Variants in PLB1 observed in about 807,000 individuals in gnomAD.
PLB1 encodes the protein phospholipase B1, membrane-associated.
In PLB1, 242 loss-of-function variants were observed where a neutral mutation model predicts 227.4. That is an observed-to-expected ratio of 1.06 (90% CI 0.96 to 1.18). The LOEUF (loss-of-function observed/expected upper bound fraction) is 1.18, where lower values mean the gene tolerates loss of function less well. Among genes scored for constraint, PLB1 ranks in the 50% most tolerant of loss-of-function variants. PLB1 has a pLI of 0.00. For missense variants in PLB1, 1,858 were observed against 1,816.3 expected, an observed-to-expected ratio of 1.02 and a Z score of -0.42; for synonymous variants, 757 against 682.2, an observed-to-expected ratio of 1.11 and a Z score of -1.71.
rs778032003 is a variant in PLB1, at chr2:28,548,959, T to G, written c.1008+28T>G. 3.1e-6 allele frequency: 5 copies of G among 1,608,636 alleles called. No homozygotes were observed. The Admixed American group carries it at 5.0e-5, about 16-fold the overall frequency. ...AGGAGGGACTGGGCAGAGGAGGGACTCTTATTGAATCGAGGGCGCAGGTGG... is the reference window on the plus strand; with the variant it reads ...AGGAGGGACTGGGCAGAGGAGGGACGCTTATTGAATCGAGGGCGCAGGTGG... On this transcript the variant is annotated intron_variant, in intron 15 of 57. Transcript: ENST00000327757.
rs1270234936 is a variant in PLB1, at chr2:28,520,138, G to GAA, written c.243+375_243+376insAA. Among the ~76,000 whole-genome samples the GAA allele has an allele frequency of 1.2e-3, 183 of 152,000 alleles. 1 individual carries two copies. The highest frequency in any genetic ancestry group is 4.2e-3 in the African/African-American group (176 of 41,480). ...AGACAGAGTTTCTCCATGTTGGTCA[G>GAA]GCTAGTCTCGAACTCCTGACCTCAG... On this transcript the variant is annotated intron_variant, in intron 4 of 57. Coordinates refer to ENST00000327757, the MANE Select transcript of PLB1 (RefSeq NM_153021.5).
At chr2:28,504,238 C>T (rs983331600) in intron 1 of PLB1, among the ~76,000 whole-genome samples, 2 of 152,224 alleles carry the variant, frequency 1.3e-5, no homozygotes, top group Admixed American at 6.5e-5. Context: ...TTCTACACTG[C>T]ATTCTAAGTA....
intron 21 of PLB1, among the ~76,000 whole-genome samples, chr2:28,574,339 C>CA (rs1678533262): frequency 2.5e-5 from 1 of 40,544 alleles, no homozygotes; most frequent in Non-Finnish European, 1.3e-4. Context: ...ATCCCTCACC[C>CA]CCCCCACCCT....
At chr2:28,638,957 G>T (rs1346341142) in intron 56 of PLB1, among the ~76,000 whole-genome samples, 1 of 151,774 alleles carries the variant, frequency 6.6e-6, no homozygotes, top group Non-Finnish European at 1.5e-5. Flanking sequence ...CAGCTACTCA[G>T]GGAGGCTGAG....
At chr2:28,563,802 C>T (rs1676423022) in intron 18 of PLB1, among the ~76,000 whole-genome samples, 1 of 152,116 alleles carries the variant, frequency 6.6e-6, no homozygotes, top group African/African-American at 2.4e-5. Flanking sequence ...ATTCTCTGGG[C>T]CAGTAGAATA....
In PLB1 at chr2:28,591,760, G is replaced by T; in HGVS notation, c.2188G>T (p.Val730Leu). 6.2e-7 allele frequency: 1 copy of T among 1,613,732 alleles called. No individual in the cohort carries two copies. Among genetic ancestry groups the T allele is most frequent in the Admixed American group, 1.7e-5 (1 of 60,010 alleles). The stretch of plus-strand genomic sequence containing the variant: ...CCCTTCTGCCTTGCACCCTACCTCA[G>T]GTAAGCCCCCTATGGCACAGCAGGA... ...RAPSALHPTSVHALRPADIQV... is the reference protein window; with the variant it reads ...RAPSALHPTSLHALRPADIQV... Residue 730 changes from valine (V) to leucine (L), a missense_variant and splice_region_variant, in exon 31 of 58, where the codon GTG (valine) becomes TTG (leucine). Physicochemically the swap from Val to Leu is conservative, Grantham distance 32. Transcript: ENST00000327757.
At chr2:28,529,597 G>A in intron 7 of PLB1, 131 bp from the exon 8 acceptor site, 2 of 1,031,338 alleles carry the variant, frequency 1.9e-6, no homozygotes, top group Admixed American at 2.3e-5. Context: ...ACAGGTCAAT[G>A]CCCACCCTTC....
chr2:28,549,408 C>CTTTT (rs1572906840), intron 15 of PLB1, among the ~76,000 whole-genome samples: 1 of 60,664 alleles, frequency 1.6e-5, no homozygotes, highest in African/African-American at 6.4e-5. Context: ...GAATGAGATT[C>CTTTT]TTTCTTTTTT....
intron 1 of PLB1, among the ~76,000 whole-genome samples, chr2:28,504,388 G>A (rs1474848524): frequency 2.6e-5 from 4 of 152,082 alleles, no homozygotes; most frequent in South Asian, 2.1e-4. Flanking sequence ...TTACCAAATT[G>A]GTAATTAAAT....
chr2:28,527,522 T>G (rs899194745), intron 6 of PLB1, among the ~76,000 whole-genome samples: 2 of 152,228 alleles, frequency 1.3e-5, no homozygotes, highest in Non-Finnish European at 1.5e-5. Context: ...CTCAGAACTT[T>G]AGAGGCCTCC....
In PLB1 at chr2:28,567,469, C is replaced by CTTTTTTTTT. The variant is rs57787583; in HGVS notation, c.1324+643_1324+651dup. Among the ~76,000 whole-genome samples, 449 of 108,042 alleles carry CTTTTTTTTT rather than the reference C, an allele frequency of 4.2e-3. 40 individuals carry two copies. The highest frequency in any genetic ancestry group is 0.017 in the African/African-American group (419 of 24,744). 70.9% of individuals were successfully genotyped at this position (108,042 alleles called of 152,430 possible). ...AACCTGCTCGGAATGATTTCTTTCT[C>CTTTTTTTTT]TTTTTTTTTTTTTTTTTTTTTGAGA... On this transcript the variant is annotated intron_variant, in intron 20 of 57. Coordinates refer to ENST00000327757, the MANE Select transcript of PLB1 (RefSeq NM_153021.5).
intron 33 of PLB1, chr2:28,596,058 A>C (rs920109300): frequency 1.3e-5 from 2 of 152,246 alleles, no homozygotes; most frequent in African/African-American, 2.4e-5. Flanking sequence ...TTTACTTACC[A>C]AAAAAGTTGC....
At chr2:28,602,162 T>A (rs749458558) in intron 38 of PLB1, among the ~76,000 whole-genome samples, 198 bp downstream of exon 38, 2 of 152,178 alleles carry the variant, frequency 1.3e-5, no homozygotes, top group Non-Finnish European at 2.9e-5. Flanking sequence ...GGGCCTCAGG[T>A]CTGAAGGAGG....
rs375350336 is a variant in PLB1, at chr2:28,582,371, C to T, written c.1633-34C>T. Reference sequence around the variant, plus strand: ...ACCGAGGTGAAAGGCTGCCCAGCCTCATCCTCTTGGTGACTGAGTTTGCCT... The same window carrying T: ...ACCGAGGTGAAAGGCTGCCCAGCCTTATCCTCTTGGTGACTGAGTTTGCCT... On this transcript the variant is annotated intron_variant, in intron 24 of 57. Transcript: ENST00000327757. 1.5e-5 allele frequency: 23 copies of T among 1,585,552 alleles called. No individual in the cohort carries two copies. In the African/African-American group the frequency reaches 2.8e-4, roughly 19 times the overall value.
chr2:28,541,898 C>T (rs1463889115), intron 13 of PLB1, 87 bp downstream of exon 13: 23 of 1,069,310 alleles, frequency 2.2e-5, no homozygotes, highest in Admixed American at 3.7e-5. Flanking sequence ...TTTGGGAGGC[C>T]GAGGTGGGTG....
At chr2:28,550,111 A>C (rs770429919) in intron 16 of PLB1, 27 bp downstream of exon 16, 9 of 1,549,364 alleles carry the variant, frequency 5.8e-6, no homozygotes, top group Middle Eastern at 1.7e-4. Context: ...TGTAATTGAC[A>C]AACATGCAGA....
intron 17 of PLB1, among the ~76,000 whole-genome samples, chr2:28,557,355 A>G (rs866294506): frequency 1.3e-5 from 2 of 152,186 alleles, no homozygotes; most frequent in African/African-American, 2.4e-5. Flanking sequence ...CATCGTTCCA[A>G]TCTTGAGGCA....
chr2:28,628,135 C>T (rs1688062746), intron 51 of PLB1, among the ~76,000 whole-genome samples: 1 of 152,162 alleles, frequency 6.6e-6, no homozygotes, highest in Non-Finnish European at 1.5e-5. Context: ...TAGGGGAACA[C>T]AGGAGAGCAA....
At chr2:28,596,731 T>C (rs1157627487) in intron 33 of PLB1, among the ~76,000 whole-genome samples, 1 of 152,158 alleles carries the variant, frequency 6.6e-6, no homozygotes, top group Non-Finnish European at 1.5e-5. Flanking sequence ...GGCTCAGACA[T>C]CTAACGGAAG....
Sources: gnomAD v4.1 joint callset for allele counts (sites outside exome capture counted in the v4.1 genomes callset) on GRCh38, gnomAD v4.1.1 for gene constraint, MANE v1.5 for transcripts, NCBI Gene and HGNC (gene_info 2026-07-23, HGNC 2026-07-21) for gene names.